MANBA: variants seen among roughly 807,000 people sequenced by gnomAD.
The protein encoded by MANBA is beta-mannosidase.
MANBA carries 83 observed loss-of-function variants against 111.1 expected under a neutral mutation model. The ratio of observed to expected loss-of-function variants is 0.75; its 90% CI spans 0.63 to 0.90. The LOEUF is 0.90. MANBA is among the 40% of genes least tolerant of loss of function. The pLI is 0.00. For missense variants in MANBA, 1,036 were observed against 1,069.0 expected (o/e 0.97, Z 0.43); for synonymous variants, 370 against 378.7 (o/e 0.98, Z 0.27).
In MANBA at chr4:102,650,480, A is replaced by G. The variant is rs372691168; in HGVS notation, c.1869+57T>C. The G allele has an allele frequency of 4.7e-5, 71 of 1,523,152 alleles. 1 individual carries two copies. The African/African-American group carries it at 8.5e-4, about 18-fold the overall frequency. 94.4% of individuals were successfully genotyped at this position (1,523,152 alleles called of 1,614,324 possible). ...ACCATATATGGCCTACAAAATCTAC[A>G]TAATCTCTTACATTAATTGCAGGAA... On this transcript the variant is annotated intron_variant, in intron 13 of 16. Coordinates refer to ENST00000647097, the MANE Select transcript of MANBA (RefSeq NM_005908.4).
At chr4:102,729,650 G>T in intron 1 of MANBA, 1 of 1,403,232 alleles carries the variant, frequency 7.1e-7, no homozygotes, top group Non-Finnish European at 1.0e-6. Flanking sequence ...TGTTCTTGAA[G>T]TCCTCCACCA....
intron 7 of MANBA, among the ~76,000 whole-genome samples, chr4:102,678,256 C>A (rs1021042928): frequency 6.6e-6 from 1 of 152,154 alleles, no homozygotes; most frequent in East Asian, 1.9e-4. Context: ...CCTGACAGTG[C>A]CTCAGAGGTG....
At chr4:102,648,049 G>A (rs558384290) in intron 13 of MANBA, among the ~76,000 whole-genome samples, 1 of 152,052 alleles carries the variant, frequency 6.6e-6, no homozygotes, top group South Asian at 2.1e-4. Context: ...AACAAGTATG[G>A]CAAAACTAGC....
intron 11 of MANBA, among the ~76,000 whole-genome samples, chr4:102,660,509 C>T (rs947792880): frequency 6.6e-6 from 1 of 151,954 alleles, no homozygotes; most frequent in African/African-American, 2.4e-5. Context: ...GGCTGGAGTG[C>T]AGTGGCATGA....
intron 1 of MANBA, among the ~76,000 whole-genome samples, chr4:102,749,623 C>T (rs1017194412): frequency 2.0e-5 from 3 of 152,172 alleles, no homozygotes; most frequent in African/African-American, 7.2e-5. Context: ...GGGTTTGAAT[C>T]CTTGCTCCAC....
intron 5 of MANBA, among the ~76,000 whole-genome samples, chr4:102,708,156 T>C (rs1357928219): frequency 6.6e-6 from 1 of 152,254 alleles, no homozygotes; most frequent in East Asian, 1.9e-4. Context: ...TTAGACCAAA[T>C]GAAACTAATA....
At chr4:102,695,409 T>A (rs1186582655) in intron 5 of MANBA, among the ~76,000 whole-genome samples, 1 of 152,184 alleles carries the variant, frequency 6.6e-6, no homozygotes, top group Non-Finnish European at 1.5e-5. Flanking sequence ...ACTCCCAAAC[T>A]ATACACTGAA....
At chr4:102,754,286 C>T (rs545681221) in intron 1 of MANBA, among the ~76,000 whole-genome samples, 39 of 152,032 alleles carry the variant, frequency 2.6e-4, no homozygotes, top group African/African-American at 8.7e-4. Context: ...AGTACATATC[C>T]TATGAATCAG....
At chr4:102,665,186 T>C in intron 10 of MANBA, 1 of 264,804 alleles carries the variant, frequency 3.8e-6, no homozygotes, top group South Asian at 4.3e-5. Flanking sequence ...AAGAAAACTT[T>C]CAGGAAATAC....
intron 5 of MANBA, among the ~76,000 whole-genome samples, chr4:102,700,956 G>C (rs1210496874): frequency 6.6e-6 from 1 of 151,796 alleles, no homozygotes; most frequent in Non-Finnish European, 1.5e-5. Context: ...GTTGACAGTG[G>C]GGTGTTAAAG....
At position 102,752,272 on chromosome 4, in the gene MANBA, A is replaced by G. The variant is rs72937856; in HGVS notation, c.177+8446T>C. ...TGAAGGCAAGCTTTGACAGGAAATA[A>G]AGTGCTTAATTGTATTTCCCATTCT... is the stretch of plus-strand genomic sequence containing the variant. On this transcript the variant is annotated intron_variant, in intron 1 of 16. Coordinates refer to ENST00000647097, the MANE Select transcript of MANBA (RefSeq NM_005908.4). The G allele has an allele frequency of 3.9e-4, 484 of 1,242,068 alleles. 2 individuals are homozygous for G. In the African/African-American group the frequency reaches 6.3e-3, roughly 16 times the overall value. 76.9% of individuals were successfully genotyped at this position (1,242,068 alleles called of 1,614,324 possible).
intron 14 of MANBA, among the ~76,000 whole-genome samples, chr4:102,636,254 G>A (rs959871805): frequency 6.6e-6 from 1 of 152,110 alleles, no homozygotes; most frequent in Admixed American, 6.5e-5. Context: ...ATGCTGTTAG[G>A]CAATTTCATC....
chr4:102,749,271 G>C (rs889779225), intron 1 of MANBA, among the ~76,000 whole-genome samples: 1 of 152,224 alleles, frequency 6.6e-6, no homozygotes, highest in Admixed American at 6.5e-5. Flanking sequence ...CATTCAGGTA[G>C]GAGAGTTGAA....
rs1157013796 is a variant in MANBA, at chr4:102,674,094, T to C, written c.961-24A>G. 5 of 1,554,418 alleles carry C rather than the reference T, an allele frequency of 3.2e-6. No homozygotes were observed. The South Asian group carries it at 3.4e-5, about 11-fold the overall frequency. Reference sequence around the variant, plus strand: ...ACCTGCAATGAACAGAATTAAATGATGAATATCAAATTTAAACATAAGCAA... The same window carrying C: ...ACCTGCAATGAACAGAATTAAATGACGAATATCAAATTTAAACATAAGCAA... On this transcript the variant is annotated intron_variant, in intron 7 of 16. Coordinates refer to ENST00000647097, the MANE Select transcript of MANBA (RefSeq NM_005908.4).
chr4:102,695,687 T>C (rs1453112647), intron 5 of MANBA, among the ~76,000 whole-genome samples: 1 of 152,134 alleles, frequency 6.6e-6, no homozygotes, highest in Non-Finnish European at 1.5e-5. Flanking sequence ...AGGGTCCAGG[T>C]TTCCTAACTC....
intron 1 of MANBA, chr4:102,729,542 C>A: frequency 1.1e-6 from 1 of 870,444 alleles, no homozygotes; most frequent in East Asian, 2.4e-5. Context: ...AGGTGAGACT[C>A]CAGCTCTACC....
intron 1 of MANBA, among the ~76,000 whole-genome samples, chr4:102,758,740 G>T (rs886965156): frequency 6.6e-6 from 1 of 151,856 alleles, no homozygotes; most frequent in Admixed American, 6.6e-5. Flanking sequence ...ACAGGGTCTC[G>T]CCAGTTGCCC....
At chr4:102,721,708 T>G (rs1053697409) in intron 4 of MANBA, among the ~76,000 whole-genome samples, 1 of 152,120 alleles carries the variant, frequency 6.6e-6, no homozygotes, top group African/African-American at 2.4e-5. Context: ...TTATATAACA[T>G]TTCTAGGGGA....
At chr4:102,706,673 T>C (rs1170880011) in intron 5 of MANBA, among the ~76,000 whole-genome samples, 1 of 151,886 alleles carries the variant, frequency 6.6e-6, no homozygotes, top group Non-Finnish European at 1.5e-5. Context: ...TTCATTGAGA[T>C]GCAAGATAAC....
Sources: gnomAD v4.1 joint callset for allele counts (sites outside exome capture counted in the v4.1 genomes callset) on GRCh38, gnomAD v4.1.1 for gene constraint, MANE v1.5 for transcripts, NCBI Gene and HGNC (gene_info 2026-07-23, HGNC 2026-07-21) for gene names.